Variants in MAP4K4 observed in about 807,000 individuals in gnomAD.
The protein encoded by MAP4K4 is HPK/GCK-like kinase HGK.
Under a neutral mutation model 189.6 loss-of-function variants are expected in MAP4K4, and 38 were observed. The observed-to-expected ratio is 0.20, with a 90% CI of 0.15 to 0.26. The LOEUF (loss-of-function observed/expected upper bound fraction) is 0.26. MAP4K4 is among the 10% of genes least tolerant of loss of function. MAP4K4 has a pLI of 1.00. For synonymous variants in MAP4K4, 610 were observed against 624.3 expected (o/e 0.98, Z 0.34); for missense variants, 1,054 against 1,726.9 (o/e 0.61, Z 6.91).
intron 17 of MAP4K4, among the ~76,000 whole-genome samples, chr2:101,864,472 A>G (rs1267347265): frequency 6.6e-6 from 1 of 152,184 alleles, no homozygotes; most frequent in African/African-American, 2.4e-5. Context: ...TTGTGTTTAC[A>G]TAATAGTGAA....
At chr2:101,791,480 AATT>A (rs1333598369) in intron 3 of MAP4K4, among the ~76,000 whole-genome samples, 4 of 152,104 alleles carry the variant, frequency 2.6e-5, no homozygotes, top group Admixed American at 2.6e-4. Context: ...TTTCATTTTA[AATT>A]ATTTTTATCT....
chr2:101,823,916 T>G lies in MAP4K4; in HGVS notation c.181-12T>G. On this transcript the variant is annotated splice_polypyrimidine_tract_variant and intron_variant, in intron 3 of 32. Transcript: ENST00000324219. ...TCAGTAGCCACACATTTTATTTTTA[T>G]TTTTTCATAAGGATGAAGAGGAAGA... 2 of 1,588,044 alleles carry G rather than the reference T, an allele frequency of 1.3e-6. No individual in the cohort carries two copies. The highest frequency in any genetic ancestry group is 1.7e-6 in the Non-Finnish European group (2 of 1,166,878).
intron 22 of MAP4K4, 62 bp from the exon 23 acceptor site, chr2:101,870,233 T>C (rs2097945605): frequency 1.9e-6 from 3 of 1,572,408 alleles, no homozygotes; most frequent in African/African-American, 1.4e-5. Flanking sequence ...GCGAAAAGCC[T>C]AAACAGGATC....
exon 33 of MAP4K4, chr2:101,893,337 T>C (rs1297245993): frequency 9.1e-6 from 4 of 441,134 alleles, no homozygotes; most frequent in Non-Finnish European, 1.8e-5. Context: ...TTTGGAGCAG[T>C]GCTGAAGGCC....
intron 2 of MAP4K4, among the ~76,000 whole-genome samples, chr2:101,788,714 A>G (rs1558930001): frequency 6.6e-6 from 1 of 152,170 alleles, no homozygotes; most frequent in Non-Finnish European, 1.5e-5. Context: ...TGTTTTTTAT[A>G]AAGCAGATGC....
At position 101,887,253 on chromosome 2, in the gene MAP4K4, C is replaced by T. The variant is rs1195436064; in HGVS notation, c.3771+16C>T. 6.2e-7 allele frequency: 1 copy of T among 1,603,670 alleles called. No homozygotes were observed. Among genetic ancestry groups the T allele is most frequent in the Non-Finnish European group, 8.5e-7 (1 of 1,176,408 alleles). Reference sequence around the variant, plus strand: ...ACCAACACATGTAAGAAAGAACCCACACTCTATGGTTGGTTGACTGGCTTC... The same window carrying T: ...ACCAACACATGTAAGAAAGAACCCATACTCTATGGTTGGTTGACTGGCTTC... On this transcript the variant is annotated intron_variant, in intron 30 of 32. Transcript: ENST00000324219.
intron 2 of MAP4K4, among the ~76,000 whole-genome samples, chr2:101,713,876 A>G (rs764622725): frequency 6.6e-6 from 1 of 152,178 alleles, no homozygotes; most frequent in African/African-American, 2.4e-5. Flanking sequence ...CCTGGGTGAC[A>G]GAGCGAGACT....
intron 15 of MAP4K4, 106 bp from the exon 16 acceptor site, chr2:101,860,719 A>G (rs1306903067): frequency 1.4e-5 from 13 of 960,130 alleles, no homozygotes; most frequent in Non-Finnish European, 2.0e-5. Context: ...GTAGCAGAAG[A>G]AAACAGAAAA....
intron 10 of MAP4K4, 56 bp from the exon 11 acceptor site, chr2:101,842,553 C>A: frequency 7.8e-7 from 1 of 1,278,984 alleles, no homozygotes; most frequent in Non-Finnish European, 1.1e-6. Context: ...CTTGTCTGAA[C>A]AGGCGTGTGT....
chr2:101,720,376 A>AT, intron 2 of MAP4K4, among the ~76,000 whole-genome samples: 2 of 151,880 alleles, frequency 1.3e-5, no homozygotes, highest in African/African-American at 4.8e-5. Context: ...GGGTTTCACC[A>AT]TGTTGGCCAG....
At chr2:101,873,507 A>AT in intron 24 of MAP4K4, 140 bp from the exon 25 acceptor site, 3 of 562,272 alleles carry the variant, frequency 5.3e-6, no homozygotes, top group South Asian at 1.9e-5. Context: ...CCCGCAGAGC[A>AT]TTTTTTGGGG....
rs746851760 is a variant in MAP4K4 at position 101,774,852 on chromosome 2, C to G, written c.124-15868C>G. ...CATGTCTTAGTGCTGAAGAGACTTG[C>G]GCTCCTAGGTAGGCTCTTGGGTGTG... On this transcript the variant is annotated intron_variant, in intron 2 of 32. Transcript: ENST00000324219. 3.3e-5 allele frequency among the ~76,000 whole-genome samples: 5 copies of G among 152,068 alleles called. No homozygotes were observed. In the South Asian group the frequency reaches 8.3e-4, roughly 25 times the overall value.
rs112699399 is a variant in MAP4K4 at position 101,777,432 on chromosome 2, C to T, written c.124-13288C>T. Among the ~76,000 whole-genome samples, 12 of 152,328 alleles carry T rather than the reference C, an allele frequency of 7.9e-5. 1 individual carries two copies. Among genetic ancestry groups the T allele is most frequent in the South Asian group, 6.2e-4 (3 of 4,828 alleles). On this transcript the variant is annotated intron_variant, in intron 2 of 32. Transcript: ENST00000324219. ...CAAACAGTATGGGTAGTGGAGCTAG[C>T]GTATCCCACCTTCGGTGCCGGCTCA...
intron 27 of MAP4K4, among the ~76,000 whole-genome samples, chr2:101,877,594 G>T (rs1334872281): frequency 3.3e-5 from 5 of 151,354 alleles, no homozygotes; most frequent in African/African-American, 1.2e-4. Flanking sequence ...TCCTGCCTCA[G>T]CCTCCCGAGT....
chr2:101,735,607 G>A (rs144161742), intron 2 of MAP4K4, among the ~76,000 whole-genome samples: 1 of 152,148 alleles, frequency 6.6e-6, no homozygotes, highest in African/African-American at 2.4e-5. Flanking sequence ...GTGGGCTGGG[G>A]CCTGCCCATG....
intron 2 of MAP4K4, among the ~76,000 whole-genome samples, chr2:101,748,917 A>C (rs1445975675): frequency 2.1e-5 from 3 of 139,936 alleles, no homozygotes; most frequent in African/African-American, 5.5e-5. Flanking sequence ...CAATTGCTTC[A>C]AAGAGAATAA....
At chr2:101,827,564 T>C (rs1029129885) in intron 5 of MAP4K4, among the ~76,000 whole-genome samples, 2 of 152,104 alleles carry the variant, frequency 1.3e-5, no homozygotes, top group Non-Finnish European at 2.9e-5. Flanking sequence ...TCTCACTAGA[T>C]GTTGGATTTA....
intron 17 of MAP4K4, among the ~76,000 whole-genome samples, chr2:101,864,436 T>A (rs2097760877): frequency 6.6e-6 from 1 of 152,252 alleles, no homozygotes; most frequent in Non-Finnish European, 1.5e-5. Flanking sequence ...ATTTTCTTTT[T>A]AAATGTAGGG....
intron 2 of MAP4K4, among the ~76,000 whole-genome samples, chr2:101,719,479 T>G (rs1226725144): frequency 6.6e-6 from 1 of 152,102 alleles, no homozygotes; most frequent in Non-Finnish European, 1.5e-5. Context: ...TTTTGGTGTT[T>G]TGGAGAAGGC....
Sources: gnomAD v4.1 joint callset for allele counts (sites outside exome capture counted in the v4.1 genomes callset) on GRCh38, gnomAD v4.1.1 for gene constraint, MANE v1.5 for transcripts, NCBI Gene and HGNC (gene_info 2026-07-23, HGNC 2026-07-21) for gene names.